The following PREX2 variants were observed in gnomAD, a reference collection of about 807,000 sequenced individuals.
PREX2 encodes phosphatidylinositol-3,4,5-trisphosphate dependent Rac exchange factor 2, also known as phosphatidylinositol 3,4,5-trisphosphate-dependent Rac exchanger 2 protein.
A neutral mutation model predicts 203.2 loss-of-function variants in PREX2; 107 were observed. The observed-to-expected ratio is 0.53, with a 90% CI of 0.45 to 0.62. The LOEUF (loss-of-function observed/expected upper bound fraction) is 0.62, where lower values mean the gene tolerates loss of function less well. PREX2 is among the 20% of genes least tolerant of loss of function. PREX2 has a pLI of 0.00. For missense variants in PREX2, 1,777 were observed against 1,955.9 expected (o/e 0.91, Z 1.72); for synonymous variants, 672 against 663.6 (o/e 1.01, Z -0.19).
intron 23 of PREX2, among the ~76,000 whole-genome samples, chr8:68,100,535 G>T (rs543822407): frequency 1.3e-5 from 2 of 152,212 alleles, no homozygotes; most frequent in Non-Finnish European, 1.5e-5. Flanking sequence ...CTTTGAGAAG[G>T]CTTGACAAGT....
intron 1 of PREX2, among the ~76,000 whole-genome samples, chr8:67,968,885 A>T (rs1347419879): frequency 2.0e-5 from 3 of 152,236 alleles, no homozygotes; most frequent in Non-Finnish European, 4.4e-5. Context: ...ATACGGGTGA[A>T]CTTTAAAGGC....
chr8:68,025,831 A>G (rs1042805845), intron 4 of PREX2, among the ~76,000 whole-genome samples: 1 of 152,080 alleles, frequency 6.6e-6, no homozygotes, highest in South Asian at 2.1e-4. Flanking sequence ...GTGGTAGCCA[A>G]CCTGTGGTAT....
intron 14 of PREX2, among the ~76,000 whole-genome samples, chr8:68,075,983 C>T (rs1809336332): frequency 6.6e-6 from 1 of 152,142 alleles, no homozygotes; most frequent in South Asian, 2.1e-4. Context: ...CTTCAGGCAA[C>T]AGCAGGGAGG....
intron 1 of PREX2, among the ~76,000 whole-genome samples, chr8:68,001,605 A>C (rs1203104676): frequency 6.6e-6 from 1 of 152,178 alleles, no homozygotes; most frequent in East Asian, 1.9e-4. Context: ...TATGTATCCA[A>C]AGGAATATAA....
intron 37 of PREX2, among the ~76,000 whole-genome samples, chr8:68,195,358 G>A (rs981818744): frequency 3.9e-5 from 6 of 152,132 alleles, no homozygotes; most frequent in Admixed American, 1.3e-4. Flanking sequence ...TTCACTTCAC[G>A]AGACATTTAC....
chr8:68,056,328 AAGTC>A (rs1463309754), intron 10 of PREX2, among the ~76,000 whole-genome samples: 21 of 152,176 alleles, frequency 1.4e-4, no homozygotes, highest in Admixed American at 2.6e-4. Flanking sequence ...ATGGGCCTGA[AAGTC>A]AGAATCAGAA....
intron 4 of PREX2, among the ~76,000 whole-genome samples, chr8:68,026,776 A>C (rs966340403): frequency 2.6e-5 from 4 of 152,150 alleles, no homozygotes; most frequent in African/African-American, 9.7e-5. Flanking sequence ...AATCAACCCA[A>C]GTTGTATCAC....
intron 1 of PREX2, among the ~76,000 whole-genome samples, chr8:68,014,089 C>G (rs1387670086): frequency 4.6e-5 from 7 of 152,072 alleles, no homozygotes; most frequent in Non-Finnish European, 1.0e-4. Context: ...GAATGAAGCC[C>G]ATGGTGAGCT....
intron 1 of PREX2, among the ~76,000 whole-genome samples, chr8:67,968,842 G>A (rs1585662397): frequency 2.0e-5 from 3 of 152,270 alleles, no homozygotes; most frequent in Admixed American, 6.5e-5. Context: ...CCTAATAGCC[G>A]TTGTACCAAA....
intron 1 of PREX2, among the ~76,000 whole-genome samples, chr8:67,971,508 A>G (rs1316649027): frequency 6.6e-6 from 1 of 152,168 alleles, no homozygotes. Context: ...TAATATATAT[A>G]TTAATCAAGG....
intron 25 of PREX2, chr8:68,114,162 C>A: frequency 3.5e-6 from 1 of 281,712 alleles, no homozygotes. Context: ...GCGCCCGGCC[C>A]TTTTGTGTGT....
intron 27 of PREX2, 160 bp downstream of exon 27, chr8:68,118,804 T>C: frequency 1.3e-6 from 1 of 752,332 alleles, no homozygotes; most frequent in Non-Finnish European, 2.4e-6. Flanking sequence ...ATGAGCTTGA[T>C]AGTCTATTTC....
chr8:68,185,938 A>C (rs1201869976), intron 35 of PREX2, among the ~76,000 whole-genome samples: 1 of 148,480 alleles, frequency 6.7e-6, no homozygotes, highest in African/African-American at 2.5e-5. Flanking sequence ...AAGCATAATA[A>C]AATATGGTTA....
chr8:68,031,868 C>T (rs1258693737), intron 6 of PREX2, among the ~76,000 whole-genome samples: 3 of 152,100 alleles, frequency 2.0e-5, no homozygotes, highest in South Asian at 2.1e-4. Context: ...GAAGAAAAAC[C>T]GAACTTGCTT....
rs554968890 is a variant in PREX2 at position 68,189,769 on chromosome 8, T to G, written c.4347-1953T>G. ...TGTTATGTGCTTAGGCTGAGGGAAC[T>G]GCAGATGGTACCTGGAAATCTCTTA... is the stretch of plus-strand genomic sequence containing the variant. On this transcript the variant is annotated intron_variant, in intron 35 of 39. Coordinates refer to ENST00000288368, the MANE Select transcript of PREX2 (RefSeq NM_024870.4). Among the ~76,000 whole-genome samples, 53 of 152,290 alleles carry G rather than the reference T, an allele frequency of 3.5e-4. 1 individual carries two copies. The highest frequency in any genetic ancestry group is 4.7e-4 in the Non-Finnish European group (32 of 68,016).
chr8:68,083,411 G>T, intron 18 of PREX2, 23 bp downstream of exon 18: 1 of 1,561,456 alleles, frequency 6.4e-7, no homozygotes, highest in South Asian at 1.2e-5. Flanking sequence ...ATTTATGTGT[G>T]ATTTTTTAAA....
intron 37 of PREX2, among the ~76,000 whole-genome samples, chr8:68,200,570 T>C (rs1303032617): frequency 6.6e-6 from 1 of 151,784 alleles, no homozygotes; most frequent in African/African-American, 2.4e-5. Flanking sequence ...TCTTTATCCT[T>C]AAAAAGGTGG....
At chr8:67,977,238 A>G (rs896715440) in intron 1 of PREX2, among the ~76,000 whole-genome samples, 1 of 152,310 alleles carries the variant, frequency 6.6e-6, no homozygotes, top group East Asian at 1.9e-4. Flanking sequence ...AGGAGAAATC[A>G]TCAGAAGAGG....
chr8:67,982,840 A>G (rs1419294656), intron 1 of PREX2, among the ~76,000 whole-genome samples: 1 of 152,224 alleles, frequency 6.6e-6, no homozygotes, highest in Non-Finnish European at 1.5e-5. Flanking sequence ...TGTCTATGAC[A>G]TTAATGATTT....
Sources: allele counts gnomAD v4.1 joint callset (sites outside exome capture counted in the v4.1 genomes callset), GRCh38; gene constraint gnomAD v4.1.1; transcripts MANE v1.5; gene names NCBI Gene and HGNC (gene_info 2026-07-23, HGNC 2026-07-21).